The following EPHA10 variants were observed in gnomAD, a reference collection of about 807,000 sequenced individuals.
The protein encoded by EPHA10 is EPH receptor A10.
In EPHA10, 120 loss-of-function variants were observed where a neutral mutation model predicts 109.7. The ratio of observed to expected loss-of-function variants is 1.09; its 90% CI spans 0.94 to 1.27. The LOEUF (loss-of-function observed/expected upper bound fraction) is 1.27, where lower values mean the gene tolerates loss of function less well. Among genes scored for constraint, EPHA10 ranks in the 50% most tolerant of loss-of-function variants. The probability of loss-of-function intolerance (pLI) is 0.00; values close to 1 mark genes in which losing one functional copy is unlikely to be tolerated. For synonymous variants in EPHA10, 640 were observed against 618.9 expected (o/e 1.03, Z -0.51); for missense variants, 1,396 against 1,411.1 (o/e 0.99, Z 0.17).
intron 5 of EPHA10, among the ~76,000 whole-genome samples, chr1:37,744,416 A>G (rs1646200631): frequency 6.6e-6 from 1 of 151,852 alleles, no homozygotes; most frequent in African/African-American, 2.4e-5. Context: ...GCTACTCGGG[A>G]GGCTGAGGCA....
intron 6 of EPHA10, among the ~76,000 whole-genome samples, chr1:37,733,360 C>T (rs1222161809): frequency 6.6e-6 from 1 of 151,436 alleles, no homozygotes; most frequent in Non-Finnish European, 1.5e-5. Flanking sequence ...TTGCTGGGAC[C>T]ACAGGCGCAC....
chr1:37,732,416 T>C (rs1645999663), intron 6 of EPHA10, among the ~76,000 whole-genome samples: 2 of 152,146 alleles, frequency 1.3e-5, no homozygotes, highest in Admixed American at 6.5e-5. Context: ...CCACACCTTA[T>C]TAGAGGCCCT....
Position 37,717,123 on chromosome 1 carries a change from G to A in EPHA10, c.*1249C>T, listed in dbSNP as rs1645705750. On this transcript the variant is annotated 3_prime_UTR_variant, in exon 17 of 17. Coordinates refer to ENST00000373048, the MANE Select transcript of EPHA10 (RefSeq NM_001099439.2). ...CCTGTGGCCCTGCTGAGATCCAGCT[G>A]CCTTCCTGCCACCCTACGAAAGCTC... 8.7e-6 allele frequency: 2 copies of A among 230,314 alleles called. No individual in the cohort carries two copies. Among genetic ancestry groups the A allele is most frequent in the Admixed American group, 5.7e-5 (1 of 17,684 alleles). The allele number at this position is 230,314 out of a possible 1,614,324, so 14.3% of individuals were successfully genotyped here.
At chr1:37,714,490 C>G (rs773620685), downstream of EPHA10, among the ~76,000 whole-genome samples, 110 of 152,206 alleles carry the variant, frequency 7.2e-4, 1 homozygote, top group Non-Finnish European at 1.2e-4. Context: ...TCCCAAACTC[C>G]ACTCCCCAAT....
intron 8 of EPHA10, among the ~76,000 whole-genome samples, chr1:37,724,676 GTTT>G (rs1645857888): frequency 6.6e-6 from 1 of 152,176 alleles, no homozygotes. Context: ...AGTTTCCGAA[GTTT>G]TCACAACAGA....
rs377655424 is a variant in EPHA10, at chr1:37,761,812, C to G, written c.443G>C (p.Arg148Pro). The change falls in exon 3 of 17, where the codon CGG becomes CCG. Residue 148 changes from arginine (R) to proline (P), a missense_variant. Transcript: ENST00000373048. ...CGCGATCGTGTCGATTTTGCGGGGC[C>G]GGCTGCCGCCTAGGCGGGGACGCCC... ...GRGRPRLGGS[R>P]PRKIDTIAAD... 4 of 1,613,568 alleles carry G rather than the reference C, an allele frequency of 2.5e-6. No individual in the cohort carries two copies. The African/African-American group carries it at 4.0e-5, about 16-fold the overall frequency.
chr1:37,720,270 T>A, intron 13 of EPHA10, 81 bp downstream of exon 13: 1 of 1,468,426 alleles, frequency 6.8e-7, no homozygotes, highest in Non-Finnish European at 9.1e-7. Context: ...GGGAAAGGAG[T>A]AGAAGTGGGG....
rs377504714 is a variant in EPHA10 at position 37,721,842 on chromosome 1, C to A, written c.1964G>T (p.Arg655Leu). 1.9e-6 allele frequency: 3 copies of A among 1,583,788 alleles called. No individual in the cohort carries two copies. In the African/African-American group the frequency reaches 4.1e-5, roughly 21 times the overall value. Residue 655 changes from arginine to leucine, a missense_variant, in exon 11 of 17, where the codon CGG becomes CTG. Coordinates refer to ENST00000373048, the MANE Select transcript of EPHA10 (RefSeq NM_001099439.2). The stretch of plus-strand genomic sequence containing the variant: ...GCAGCCACAGCACAGCTCCCCAAAC[C>A]GCCCTGTGGGGAAACAGCACCTCAG... The part of the protein sequence containing the change: ...VTLERSLGGG[R>L]FGELCCGCLQ...
rs759863522 is a variant in EPHA10, at chr1:37,744,236, G to A, written c.1357+8640C>T. Among the ~76,000 whole-genome samples, 20 of 151,996 alleles carry A rather than the reference G, an allele frequency of 1.3e-4. 1 individual carries two copies. The highest frequency in any genetic ancestry group is 4.2e-4 in the South Asian group (2 of 4,818). On this transcript the variant is annotated intron_variant, in intron 5 of 16. Coordinates refer to ENST00000373048, the MANE Select transcript of EPHA10 (RefSeq NM_001099439.2). ...TCATCAAAATTAAAAGCTTTTGGCC[G>A]GGCACAGTGGTTCACTCCTGTAATC... is the stretch of plus-strand genomic sequence containing the variant.
chr1:37,761,031 C>T, intron 3 of EPHA10: 1 of 556,530 alleles, frequency 1.8e-6, no homozygotes, highest in African/African-American at 2.0e-5. Flanking sequence ...TTGCAGTTAG[C>T]CAAGATCAAG....
intron 5 of EPHA10, among the ~76,000 whole-genome samples, chr1:37,739,588 C>CTGA (rs966486254): frequency 4.0e-5 from 6 of 148,900 alleles, no homozygotes; most frequent in African/African-American, 1.5e-4. Context: ...ACTTGGGAGG[C>CTGA]TGAGGCAGGA....
intron 6 of EPHA10, among the ~76,000 whole-genome samples, chr1:37,732,201 C>T (rs988578161): frequency 3.3e-5 from 5 of 152,188 alleles, no homozygotes; most frequent in Non-Finnish European, 5.9e-5. Context: ...GACCCTTTGC[C>T]TCCTGTGAGC....
At chr1:37,714,266 G>A (rs111811249), downstream of EPHA10, among the ~76,000 whole-genome samples, 44 of 152,294 alleles carry the variant, frequency 2.9e-4, no homozygotes, top group Non-Finnish European at 4.9e-4. Context: ...TGAATGGCCC[G>A]GGCCAGGGAG....
chr1:37,754,288 G>A lies in EPHA10; in HGVS notation c.933C>T (p.Asn311=). The change falls in exon 4 of 17, where the codon AAC becomes AAT. Residue 311 remains asparagine, a synonymous_variant. Transcript: ENST00000373048. The surrounding 1 kb of genome is among the most constrained non-coding windows in gnomAD (Gnocchi z 4.5). ...PCPEHSRALE[N]ASTFCVCQDS... is the part of the protein sequence containing the mutation. ...CCTGGCACACGCAGAAGGTGGAGGC[G>A]TTTTCCAGGGCCCGGCTGTGCTCTG... 7.6e-7 allele frequency: 1 copy of A among 1,317,430 alleles called. No individual in the cohort carries two copies. Among genetic ancestry groups the A allele is most frequent in the South Asian group, 2.4e-5 (1 of 41,118 alleles). 81.6% of individuals were successfully genotyped at this position (1,317,430 alleles called of 1,614,324 possible).
intron 8 of EPHA10, among the ~76,000 whole-genome samples, chr1:37,726,585 G>A (rs1437587645): frequency 1.3e-5 from 2 of 152,210 alleles, no homozygotes; most frequent in African/African-American, 2.4e-5. Context: ...CAAGCTCTAT[G>A]TCTTCCTCCT....
chr1:37,752,745 G>C, intron 5 of EPHA10, 131 bp downstream of exon 5: 1 of 508,458 alleles, frequency 2.0e-6, no homozygotes, highest in Non-Finnish European at 2.8e-6. Flanking sequence ...AGAGGGGCGG[G>C]GTGCGTGTAC....
Position 37,764,959 on chromosome 1 carries a change from A to G in EPHA10, c.106+2T>C, listed in dbSNP as rs1646462430. The G allele has an allele frequency of 6.2e-7, 1 of 1,602,938 alleles. No individual in the cohort carries two copies. The highest frequency in any genetic ancestry group is 1.3e-5 in the African/African-American group (1 of 74,570). The stretch of plus-strand genomic sequence containing the variant: ...CCGAGCAGAGCTCACCAGTCTTCTC[A>G]CCTTCCTCGGCGGTCCCAGGCCGCC... On this transcript the variant is annotated splice_donor_variant, in intron 1 of 16. Coordinates refer to ENST00000373048, the MANE Select transcript of EPHA10 (RefSeq NM_001099439.2). LOFTEE classifies it high-confidence loss of function. The surrounding 1 kb of genome is among the most constrained non-coding windows in gnomAD (Gnocchi z 5.8).
Position 37,761,690 on chromosome 1 carries a change from G to A in EPHA10, c.565C>T (p.His189Tyr). The A allele has an allele frequency of 6.2e-7, 1 of 1,612,588 alleles. No homozygotes were observed. The highest frequency in any genetic ancestry group is 8.5e-7 in the Non-Finnish European group (1 of 1,179,902). The stretch of plus-strand genomic sequence containing the variant: ...GCGCCCACGTCCTGAAAGGCCAGGT[G>A]GAAACCCCGCCGGCTGAGCGGTCCG... ...EIGPLSRRGF[H>Y]LAFQDVGACV... is the part of the protein sequence containing the mutation. The change falls in exon 3 of 17, where the codon CAC becomes TAC. Residue 189 changes from histidine (H) to tyrosine (Y), a missense_variant. By Grantham distance (83) the His-to-Tyr change is moderately conservative. Coordinates refer to ENST00000373048, the MANE Select transcript of EPHA10 (RefSeq NM_001099439.2).
intron 7 of EPHA10, among the ~76,000 whole-genome samples, chr1:37,729,647 G>A (rs11804742): frequency 0.015 from 2,263 of 152,214 alleles, 57 homozygotes; most frequent in African/African-American, 0.051. Context: ...TTGGCAGGCC[G>A]AGTGGAGGGA....
Sources: allele counts gnomAD v4.1 joint callset (sites outside exome capture counted in the v4.1 genomes callset), GRCh38; gene constraint gnomAD v4.1.1; non-coding constraint Gnocchi (gnomAD v3.1); transcripts MANE v1.5; gene names NCBI Gene and HGNC (gene_info 2026-07-23, HGNC 2026-07-21).